COL22A1: variants seen among roughly 807,000 people sequenced by gnomAD.
COL22A1 encodes the protein collagen type XXII alpha 1 chain.
COL22A1 carries 221 observed loss-of-function variants against 248.9 expected under a neutral mutation model. The ratio of observed to expected loss-of-function variants is 0.89; its 90% CI spans 0.80 to 0.99. The LOEUF (loss-of-function observed/expected upper bound fraction) is 0.99. COL22A1 is among the 50% of genes least tolerant of loss of function. The pLI, the probability that COL22A1 is intolerant of heterozygous loss-of-function variation, is 0.00. For synonymous variants in COL22A1, 891 were observed against 793.4 expected (o/e 1.12, Z -2.07); for missense variants, 2,240 against 2,179.0 (o/e 1.03, Z -0.56).
chr8:138,802,343 C>T (rs1359211189), intron 11 of COL22A1, among the ~76,000 whole-genome samples: 1 of 151,990 alleles, frequency 6.6e-6, no homozygotes, highest in Admixed American at 6.5e-5. Context: ...AACTCTGTGA[C>T]TATAAATCAC....
chr8:138,694,854 T>C lies in COL22A1; in HGVS notation c.2618A>G (p.Lys873Arg), dbSNP rs1289025104. ...MPGEQGPKGE[K>R]GDPGLPGEPG... ...TTCCCCAGGCAGGCCTGGATCGCCC[T>C]TCTCTCCTTTGGGCCCTTGTTCTCC... Residue 873 changes from lysine (K) to arginine (R), a missense_variant, in exon 33 of 65, where the codon AAG becomes AGG. Physicochemically the swap from Lys to Arg is conservative, Grantham distance 26 (BLOSUM62 2). Transcript: ENST00000303045. The C allele has an allele frequency of 6.2e-7, 1 of 1,614,086 alleles. No homozygotes were observed. The highest frequency in any genetic ancestry group is 1.6e-4 in the Middle Eastern group (1 of 6,062).
At chr8:138,872,311 G>A (rs781202047) in intron 3 of COL22A1, among the ~76,000 whole-genome samples, 7 of 152,232 alleles carry the variant, frequency 4.6e-5, no homozygotes, top group East Asian at 1.9e-4. Context: ...CCACACATCC[G>A]GAGAGAGAAA....
At position 138,626,544 on chromosome 8, in the gene COL22A1, G is replaced by A. The variant is rs75572074; in HGVS notation, c.3664-301C>T. ...ATGCCAGTGGGAAGAAGCTATTCGG[G>A]TTTTAGTATCCACAAGACCTGGGTC... is the stretch of plus-strand genomic sequence containing the variant. On this transcript the variant is annotated intron_variant, in intron 50 of 64. Coordinates refer to ENST00000303045, the MANE Select transcript of COL22A1 (RefSeq NM_152888.3). Among the ~76,000 whole-genome samples the A allele has an allele frequency of 6.4e-3, 975 of 152,304 alleles. 9 individuals carry two copies. Among genetic ancestry groups the A allele is most frequent in the African/African-American group, 0.023 (938 of 41,558 alleles).
intron 12 of COL22A1, among the ~76,000 whole-genome samples, chr8:138,781,769 C>T (rs1388533421): frequency 1.3e-5 from 2 of 152,154 alleles, no homozygotes; most frequent in African/African-American, 2.4e-5. Flanking sequence ...ATCAAAGGAT[C>T]CTGCCTGAGA....
intron 24 of COL22A1, 140 bp from the exon 25 acceptor site, chr8:138,724,808 C>A: frequency 1.3e-6 from 1 of 744,512 alleles, no homozygotes; most frequent in East Asian, 2.6e-5. Flanking sequence ...TGGTCATCCG[C>A]TGTGAAACGC....
At chr8:138,705,643 G>A (rs941422152) in intron 30 of COL22A1, among the ~76,000 whole-genome samples, 2 of 152,160 alleles carry the variant, frequency 1.3e-5, no homozygotes, top group Admixed American at 6.5e-5. Flanking sequence ...ACTAAACATG[G>A]AAAGGAATAA....
chr8:138,751,096 A>G (rs1832559111), intron 22 of COL22A1, among the ~76,000 whole-genome samples: 1 of 152,204 alleles, frequency 6.6e-6, no homozygotes, highest in African/African-American at 2.4e-5. Context: ...AAATACCATG[A>G]GATATGATAT....
At chr8:138,812,058 C>T (rs1174039751) in intron 8 of COL22A1, 137 bp from the exon 9 acceptor site, 2 of 1,081,444 alleles carry the variant, frequency 1.8e-6, no homozygotes, top group Non-Finnish European at 2.6e-6. Context: ...TCTCCTGAGG[C>T]CTTGGGGCAG....
chr8:138,783,921 A>G (rs1345580822), intron 12 of COL22A1, among the ~76,000 whole-genome samples: 1 of 152,198 alleles, frequency 6.6e-6, no homozygotes, highest in African/African-American at 2.4e-5. Context: ...AGGGCATGGA[A>G]GGACCTGCTG....
In COL22A1 at chr8:138,707,065, C is replaced by T. The variant is rs1047685407; in HGVS notation, c.2518-3718G>A. Reference sequence around the variant, plus strand: ...AAATGGATAAACTCCTGGACACATACGCCCTCCCAATACTAAACCAGGAAG... The same window carrying T: ...AAATGGATAAACTCCTGGACACATATGCCCTCCCAATACTAAACCAGGAAG... On this transcript the variant is annotated intron_variant, in intron 30 of 64. Coordinates refer to ENST00000303045, the MANE Select transcript of COL22A1 (RefSeq NM_152888.3). Among the ~76,000 whole-genome samples, 5 of 152,144 alleles carry T rather than the reference C, an allele frequency of 3.3e-5. No homozygotes were observed. In the South Asian group the frequency reaches 8.3e-4, roughly 25 times the overall value.
chr8:138,755,204 G>A lies in COL22A1; in HGVS notation c.1984C>T (p.Pro662Ser). The change falls in exon 21 of 65, where the codon CCA becomes TCA. Residue 662 changes from proline (P) to serine (S), a missense_variant. Transcript: ENST00000303045. ...GCGCCTTGGTGACCTCTGGGTCCTG[G>A]AGCTCCCTGGTAACACAAGCCAAAC... is the stretch of plus-strand genomic sequence containing the variant. ...QEGLKGEQGA[P>S]GPRGHQGAPG... 6.2e-7 allele frequency: 1 copy of A among 1,614,060 alleles called. No individual in the cohort carries two copies. The highest frequency in any genetic ancestry group is 8.5e-7 in the Non-Finnish European group (1 of 1,179,976).
chr8:138,623,753 C>T lies in COL22A1; in HGVS notation c.3750G>A (p.Lys1250=). 7 of 1,612,542 alleles carry T rather than the reference C, an allele frequency of 4.3e-6. No individual in the cohort carries two copies. The highest frequency in any genetic ancestry group is 5.9e-6 in the Non-Finnish European group (7 of 1,179,294). Residue 1250 remains lysine (K), a synonymous_variant, in exon 52 of 65, where the codon AAG becomes AAA. Transcript: ENST00000303045. ...TTACCGGCTCTCCAGGGGGACCCGG[C>T]TTTCCATCTCTGCCCTCTTTGCCTT... ...GEEGKEGRDG[K]PGPPGEPGKA...
At chr8:138,890,777 C>T (rs907274590) in intron 1 of COL22A1, among the ~76,000 whole-genome samples, 1 of 152,016 alleles carries the variant, frequency 6.6e-6, no homozygotes, top group Non-Finnish European at 1.5e-5. Flanking sequence ...CTTTGGGAGG[C>T]CAAGGCAGGC....
intron 6 of COL22A1, among the ~76,000 whole-genome samples, chr8:138,823,165 T>C (rs1819285837): frequency 6.6e-6 from 1 of 152,328 alleles, no homozygotes; most frequent in Non-Finnish European, 1.5e-5. Context: ...GTAGTGCCTA[T>C]TTGTGAAGAG....
chr8:138,733,227 C>T (rs10096277), intron 23 of COL22A1, among the ~76,000 whole-genome samples: 10,988 of 152,252 alleles, frequency 0.072, 659 homozygotes, highest in African/African-American at 0.17. Flanking sequence ...CCAGCCCAGA[C>T]ACCAGATTTC....
intron 2 of COL22A1, among the ~76,000 whole-genome samples, chr8:138,881,143 C>G (rs1056605189): frequency 6.6e-6 from 1 of 152,124 alleles, no homozygotes; most frequent in Non-Finnish European, 1.5e-5. Context: ...GGAGACCACC[C>G]TAGGGCTTTT....
At chr8:138,820,962 T>C (rs946329792) in intron 7 of COL22A1, among the ~76,000 whole-genome samples, 174 bp downstream of exon 7, 1 of 152,146 alleles carries the variant, frequency 6.6e-6, no homozygotes, top group Non-Finnish European at 1.5e-5. Context: ...TGATGGTGAA[T>C]TGGGGTTCAA....
chr8:138,785,601 A>C (rs1815449294), intron 12 of COL22A1, among the ~76,000 whole-genome samples: 1 of 152,106 alleles, frequency 6.6e-6, no homozygotes, highest in Non-Finnish European at 1.5e-5. Context: ...GGGTTGGGCA[A>C]CCCTGCAGCT....
Position 138,802,863 on chromosome 8 carries a change from T to C in COL22A1, c.1557+9A>G, listed in dbSNP as rs1317697570. 1 of 1,610,142 alleles carries C rather than the reference T, an allele frequency of 6.2e-7. No homozygotes were observed. ...GTTCAGCCATGTAGAGGAGCAGCCA[T>C]CTACTCACCACATCACCTTTCTCTC... On this transcript the variant is annotated intron_variant, in intron 11 of 64. Transcript: ENST00000303045.
Sources: allele counts gnomAD v4.1 joint callset (sites outside exome capture counted in the v4.1 genomes callset), GRCh38; gene constraint gnomAD v4.1.1; transcripts MANE v1.5; gene names NCBI Gene and HGNC (gene_info 2026-07-23, HGNC 2026-07-21).